FGF3: variants seen among roughly 807,000 people sequenced by gnomAD.
FGF3 encodes fibroblast growth factor 3.
In FGF3, 7 loss-of-function variants were observed where a neutral mutation model predicts 9.8. The observed-to-expected ratio is 0.72, with a 90% CI of 0.41 to 1.35. FGF3 has a LOEUF of 1.35. Ranked by LOEUF, FGF3 falls within the 40% of genes most tolerant of loss-of-function variation. The pLI is 0.01. For synonymous variants in FGF3, 173 were observed against 157.2 expected, an observed-to-expected ratio of 1.10 and a Z score of -0.75; for missense variants, 390 against 345.6, an observed-to-expected ratio of 1.13 and a Z score of -1.02.
At position 69,810,697 on chromosome 11, in the gene FGF3, G is replaced by C; in HGVS notation, c.328C>G (p.His110Asp). Residue 110 changes from histidine (H) to aspartate (D), a missense_variant, in exon 3 of 3, where the codon CAC becomes GAC. Transcript: ENST00000334134. ...NKRGRLYASE[H>D]YSAECEFVER... ...ACAAACTCGCACTCGGCGCTGTAGT[G>C]CTCCTGCGGGGATGAGATATCATGG... is the stretch of plus-strand genomic sequence containing the variant. 6.3e-7 allele frequency: 1 copy of C among 1,576,618 alleles called. No homozygotes were observed. Among genetic ancestry groups the C allele is most frequent in the Non-Finnish European group, 8.6e-7 (1 of 1,157,574 alleles).
chr11:69,818,756 G>T lies in FGF3; in HGVS notation c.178C>A (p.Pro60Thr). ...CATKYHLQLH[P>T]SGRVNGSLEN... ...AGGCTGCCGTTGACGCGGCCGCTCG[G>T]GTGCAGCTGGAGGTGGTACTTCGTG... The change falls in exon 1 of 3, where the codon CCG becomes ACG. Residue 60 changes from proline to threonine, a missense_variant. Physicochemically the swap from Pro to Thr is conservative, Grantham distance 38 (BLOSUM62 -1). Transcript: ENST00000334134. 6.7e-7 allele frequency: 1 copy of T among 1,495,558 alleles called. No individual in the cohort carries two copies. Among genetic ancestry groups the T allele is most frequent in the Non-Finnish European group, 8.9e-7 (1 of 1,129,060 alleles). The allele number at this position is 1,495,558 out of a possible 1,614,324, so 92.6% of individuals were successfully genotyped here.
At chr11:69,818,078 A>G (rs1554981290) in intron 1 of FGF3, among the ~76,000 whole-genome samples, 1 of 147,934 alleles carries the variant, frequency 6.8e-6, no homozygotes, top group African/African-American at 2.4e-5. Context: ...GGGGAGGTGC[A>G]GATTCCAGCG....
chr11:69,816,719 C>T (rs569517615), intron 1 of FGF3, among the ~76,000 whole-genome samples: 28 of 152,340 alleles, frequency 1.8e-4, no homozygotes, highest in Middle Eastern at 3.4e-3. Flanking sequence ...CTCACAACAC[C>T]TTGCCAGCTG....
intron 1 of FGF3, chr11:69,817,675 T>G (rs2119934672): frequency 6.6e-6 from 1 of 152,370 alleles, no homozygotes; most frequent in Non-Finnish European, 1.5e-5. Context: ...AGCCGCGGTT[T>G]GCTGAGGCCG....
intron 2 of FGF3, among the ~76,000 whole-genome samples, chr11:69,814,956 C>A (rs1313622657): frequency 4.6e-5 from 7 of 152,198 alleles, no homozygotes; most frequent in African/African-American, 1.7e-4. Flanking sequence ...CCCCTGCTCC[C>A]AGACACAGCT....
chr11:69,813,800 A>ATGGATGGATGGATGGATGGG (rs1565115008), intron 2 of FGF3, among the ~76,000 whole-genome samples: 3 of 118,336 alleles, frequency 2.5e-5, no homozygotes, highest in African/African-American at 3.5e-5. Flanking sequence ...GGATGGATGG[A>ATGGATGGATGGATGGATGGG]TGGATGGGTG....
intron 1 of FGF3, among the ~76,000 whole-genome samples, chr11:69,817,115 C>T (rs1437214019): frequency 1.3e-5 from 2 of 152,158 alleles, no homozygotes; most frequent in Non-Finnish European, 2.9e-5. Context: ...TCTCCCCTCC[C>T]GCCTTTCCTT....
Position 69,810,578 on chromosome 11 carries a change from G to C in FGF3, c.447C>G (p.Ala149=). The change falls in exon 3 of 3, where the codon GCC becomes GCG. Residue 149 remains alanine, a synonymous_variant. Transcript: ENST00000334134. The part of the protein sequence containing the change: ...STPGARRQPS[A]ERLWYVSVNG... ...TCACAGACACGTACCACAGTCTCTC[G>C]GCGCTGGGCTGCCGGCGGGCCCCAG... 3 of 1,611,816 alleles carry C rather than the reference G, an allele frequency of 1.9e-6. No homozygotes were observed. The highest frequency in any genetic ancestry group is 2.5e-6 in the Non-Finnish European group (3 of 1,179,012).
At position 69,816,529 on chromosome 11, in the gene FGF3, G is replaced by A. The variant is rs13377253; in HGVS notation, c.221-106C>T. ...ACACCCCGGGCTCAGGGCTGGGGAG[G>A]GTAGCACACACCCCACAGGTCGGGG... On this transcript the variant is annotated intron_variant, in intron 1 of 2. Transcript: ENST00000334134. The A allele has an allele frequency of 1.5e-3, 1,207 of 799,496 alleles. 8 individuals carry two copies. In the African/African-American group the frequency reaches 0.018, roughly 12 times the overall value. 49.5% of individuals were successfully genotyped at this position (799,496 alleles called of 1,614,324 possible). A position where few individuals can be genotyped will look rare whatever the true frequency, so the allele number is the denominator to read the frequency against.
chr11:69,817,908 G>T (rs1326623004), intron 1 of FGF3, among the ~76,000 whole-genome samples: 1 of 152,146 alleles, frequency 6.6e-6, no homozygotes, highest in African/African-American at 2.4e-5. Context: ...GCAGACTCCC[G>T]CGGTGAGCGC....
At position 69,814,744 on chromosome 11, in the gene FGF3, C is replaced by G. The variant is rs1416150716; in HGVS notation, c.324+1576G>C. 1.2e-4 allele frequency among the ~76,000 whole-genome samples: 19 copies of G among 152,272 alleles called. No homozygotes were observed. The South Asian group carries it at 2.9e-3, about 23-fold the overall frequency. ...TCTCCACTGGGCACTCTGGAAAGTT[C>G]CACACCCTCCAGCCAGACTGCTTGG... On this transcript the variant is annotated intron_variant, in intron 2 of 2. Transcript: ENST00000334134.
chr11:69,818,677 C>A, intron 1 of FGF3, 37 bp downstream of exon 1: 2 of 1,424,626 alleles, frequency 1.4e-6, no homozygotes, highest in Non-Finnish European at 1.8e-6. Context: ...CCTCCCGGCG[C>A]CGCTTCCCCC....
intron 2 of FGF3, among the ~76,000 whole-genome samples, chr11:69,813,031 G>T (rs574566124): frequency 6.6e-6 from 1 of 152,140 alleles, no homozygotes; most frequent in African/African-American, 2.4e-5. Flanking sequence ...GTTGGGACTC[G>T]CTGTGACAAC....
Position 69,816,351 on chromosome 11 carries a change from G to T in FGF3, c.293C>A (p.Ala98Asp). 1 of 1,613,994 alleles carries T rather than the reference G, an allele frequency of 6.2e-7. No individual in the cohort carries two copies. The highest frequency in any genetic ancestry group is 8.5e-7 in the Non-Finnish European group (1 of 1,179,916). ...ATAGAGTCGTCCCCTCTTGTTCATGGCCAGGTACCGCCCGGAGAAGAGACC... is the reference window on the plus strand; with the variant it reads ...ATAGAGTCGTCCCCTCTTGTTCATGTCCAGGTACCGCCCGGAGAAGAGACC... ...IRGLFSGRYL[A>D]MNKRGRLYAS... The change falls in exon 2 of 3, where the codon GCC becomes GAC. Residue 98 changes from alanine to aspartate, a missense_variant. By Grantham distance (126) the Ala-to-Asp change is moderately radical (BLOSUM62 -2). Transcript: ENST00000334134.
At chr11:69,814,248 A>G (rs11263588) in intron 2 of FGF3, among the ~76,000 whole-genome samples, 83,130 of 151,490 alleles carry the variant, frequency 0.55, 23,039 homozygotes, top group East Asian at 0.62. Flanking sequence ...GCGTGCTCTC[A>G]GGGATGAGGC....
chr11:69,817,454 C>G (rs968862282), intron 1 of FGF3: 2 of 152,192 alleles, frequency 1.3e-5, no homozygotes, highest in Admixed American at 1.3e-4. Context: ...GCTGCGGGCG[C>G]GCGCCCTCCC....
rs143483033 is a variant in FGF3 at position 69,810,562 on chromosome 11, C to T, written c.463G>A (p.Val155Met). 5 of 1,612,648 alleles carry T rather than the reference C, an allele frequency of 3.1e-6. No homozygotes were observed. In the Admixed American group the frequency reaches 5.0e-5, roughly 16 times the overall value. ...GGCCGGCCCTTGCCGTTCACAGACA[C>T]GTACCACAGTCTCTCGGCGCTGGGC... ...RQPSAERLWYVSVNGKGRPRR... is the reference protein window; with the variant it reads ...RQPSAERLWYMSVNGKGRPRR... The change falls in exon 3 of 3, where the codon GTG becomes ATG. Residue 155 changes from valine (V) to methionine (M), a missense_variant. Coordinates refer to ENST00000334134, the MANE Select transcript of FGF3 (RefSeq NM_005247.4).
chr11:69,818,012 C>T (rs1554981287), intron 1 of FGF3, among the ~76,000 whole-genome samples: 2 of 152,208 alleles, frequency 1.3e-5, no homozygotes, highest in Non-Finnish European at 1.5e-5. Flanking sequence ...GTGATCCGCA[C>T]GTCCCGACGG....
intron 2 of FGF3, 60 bp from the exon 3 acceptor site, chr11:69,810,760 A>G (rs1291668480): frequency 8.9e-6 from 13 of 1,453,744 alleles, no homozygotes; most frequent in East Asian, 2.5e-5. Flanking sequence ...GTCAGGGCCC[A>G]GGGTTGCCTG....
Sources: gnomAD v4.1 joint callset for allele counts (sites outside exome capture counted in the v4.1 genomes callset) on GRCh38, gnomAD v4.1.1 for gene constraint, MANE v1.5 for transcripts, NCBI Gene and HGNC (gene_info 2026-07-23, HGNC 2026-07-21) for gene names.